The following CRYBA1 variants were observed in gnomAD, a reference collection of about 807,000 sequenced individuals.
CRYBA1 encodes the protein beta-crystallin A3.
In CRYBA1, 25 loss-of-function variants were observed where a neutral mutation model predicts 36.2. That is an observed-to-expected ratio of 0.69 (90% CI 0.50 to 0.97). The LOEUF is 0.97. CRYBA1 is among the 50% of genes least tolerant of loss of function. CRYBA1 has a pLI of 0.00. For synonymous variants in CRYBA1, 111 were observed against 90.0 expected, an observed-to-expected ratio of 1.23 and a Z score of -1.32; for missense variants, 224 against 276.3, an observed-to-expected ratio of 0.81 and a Z score of 1.34.
At chr17:29,249,685 C>T (rs2068923551) in intron 2 of CRYBA1, among the ~76,000 whole-genome samples, 1 of 152,226 alleles carries the variant, frequency 6.6e-6, no homozygotes, top group African/African-American at 2.4e-5. Flanking sequence ...GAGGCCAGCT[C>T]ACAGCTTTGC....
At chr17:29,252,286 A>G in intron 4 of CRYBA1, 81 bp downstream of exon 4, 1 of 1,564,752 alleles carries the variant, frequency 6.4e-7, no homozygotes, top group Non-Finnish European at 8.8e-7. Flanking sequence ...CATGCTATTT[A>G]TCATCAGTTA....
chr17:29,247,830 G>C (rs1377060343), intron 1 of CRYBA1, among the ~76,000 whole-genome samples: 1 of 152,196 alleles, frequency 6.6e-6, no homozygotes, highest in East Asian at 1.9e-4. Flanking sequence ...AAAGCAGAAA[G>C]GAATGGCCAG....
intron 4 of CRYBA1, among the ~76,000 whole-genome samples, chr17:29,253,047 T>C (rs1598425713): frequency 6.6e-6 from 1 of 152,206 alleles, no homozygotes; most frequent in Non-Finnish European, 1.5e-5. Flanking sequence ...CTCATGAGTT[T>C]TTGAAAAATA....
Position 29,250,240 on chromosome 17 carries a change from G to A in CRYBA1, c.155G>A (p.Cys52Tyr). The A allele has an allele frequency of 1.9e-6, 3 of 1,613,856 alleles. No homozygotes were observed. The highest frequency in any genetic ancestry group is 2.5e-6 in the Non-Finnish European group (3 of 1,179,720). The part of the protein sequence containing the change: ...QGKRMEFTSS[C>Y]PNVSERSFDN... ...AAGAGGATGGAGTTCACCAGCTCCT[G>A]TCCAAATGTCTCTGAGCGCAGTTTT... Residue 52 changes from cysteine (C) to tyrosine (Y), a missense_variant, in exon 3 of 6, where the codon TGT (cysteine) becomes TAT (tyrosine). Cys to Tyr is a radical substitution (Grantham distance 194). Transcript: ENST00000225387.
At chr17:29,248,654 C>T (rs930653183) in intron 1 of CRYBA1, among the ~76,000 whole-genome samples, 1 of 151,954 alleles carries the variant, frequency 6.6e-6, no homozygotes, top group African/African-American at 2.4e-5. Flanking sequence ...CGTGAACCAC[C>T]GTGCCCGGCC....
At chr17:29,248,169 C>T (rs1370162003) in intron 1 of CRYBA1, among the ~76,000 whole-genome samples, 2 of 151,336 alleles carry the variant, frequency 1.3e-5, no homozygotes, top group East Asian at 1.9e-4. Flanking sequence ...AGGATGAGAC[C>T]GTGAAGGGTT....
At chr17:29,249,720 G>A (rs1265287185) in intron 2 of CRYBA1, among the ~76,000 whole-genome samples, 1 of 152,166 alleles carries the variant, frequency 6.6e-6, no homozygotes, top group African/African-American at 2.4e-5. Flanking sequence ...CCAGGTCCAC[G>A]AGCCAGGTTT....
At chr17:29,250,380 A>G (rs924446393) in intron 3 of CRYBA1, 80 bp downstream of exon 3, 3 of 839,442 alleles carry the variant, frequency 3.6e-6, no homozygotes, top group South Asian at 1.3e-5. Context: ...GGGATAGGGG[A>G]AGAAGGATGT....
chr17:29,252,327 T>TA (rs1330208071), intron 4 of CRYBA1, 122 bp downstream of exon 4: 13 of 1,366,722 alleles, frequency 9.5e-6, no homozygotes, highest in Middle Eastern at 2.5e-4. Context: ...AAGACAAAAG[T>TA]AAAAAAAGAG....
At chr17:29,253,866 C>T (rs2068951642) in intron 5 of CRYBA1, 84 bp downstream of exon 5, 7 of 1,485,988 alleles carry the variant, frequency 4.7e-6, no homozygotes, top group South Asian at 2.3e-5. Flanking sequence ...AGATTTCATA[C>T]GTATCGGTAT....
chr17:29,251,496 ATTT>A (rs142673604), intron 3 of CRYBA1, among the ~76,000 whole-genome samples: 2 of 148,146 alleles, frequency 1.4e-5, no homozygotes, highest in African/African-American at 2.5e-5. Flanking sequence ...AGAAAAAAAA[ATTT>A]TTTTTTTTTT....
chr17:29,252,469 A>G (rs949822427), intron 4 of CRYBA1, among the ~76,000 whole-genome samples: 1 of 152,214 alleles, frequency 6.6e-6, no homozygotes, highest in Non-Finnish European at 1.5e-5. Flanking sequence ...CTTGTGAAAC[A>G]CTAGTAAATG....
In CRYBA1 at chr17:29,253,878, G is replaced by A. The variant is rs1234896089; in HGVS notation, c.500+96G>A. 2.3e-5 allele frequency: 32 copies of A among 1,416,672 alleles called. No individual in the cohort carries two copies. In the East Asian group the frequency reaches 4.8e-4, roughly 21 times the overall value. 87.8% of individuals were successfully genotyped at this position (1,416,672 alleles called of 1,614,324 possible). A position where few individuals can be genotyped will look rare whatever the true frequency, so the allele number is the denominator to read the frequency against. On this transcript the variant is annotated intron_variant, in intron 5 of 5. Transcript: ENST00000225387. ...ATCAGATTTCATACGTATCGGTATA[G>A]ATGTCACATTCTAGTTCTACATAAT...
intron 4 of CRYBA1, among the ~76,000 whole-genome samples, chr17:29,252,905 T>C (rs1480101658): frequency 6.6e-6 from 1 of 152,260 alleles, no homozygotes; most frequent in Non-Finnish European, 1.5e-5. Flanking sequence ...GAAGTTAACC[T>C]AAATAGTTCT....
rs2068957414 is a variant in CRYBA1, at chr17:29,254,449, T to C, written c.*100T>C. 1 of 1,282,308 alleles carries C rather than the reference T, an allele frequency of 7.8e-7. No individual in the cohort carries two copies. The highest frequency in any genetic ancestry group is 2.3e-5 in the East Asian group (1 of 43,336). 79.4% of individuals were successfully genotyped at this position (1,282,308 alleles called of 1,614,324 possible). ...TCTGCTCACAGACATTGCTTTCAAA[T>C]GTTAGCTGCTGAAATCCACAATAAA... On this transcript the variant is annotated 3_prime_UTR_variant, in exon 6 of 6. Coordinates refer to ENST00000225387, the MANE Select transcript of CRYBA1 (RefSeq NM_005208.5).
At chr17:29,252,288 C>T in intron 4 of CRYBA1, 83 bp downstream of exon 4, 1 of 1,563,402 alleles carries the variant, frequency 6.4e-7, no homozygotes, top group Non-Finnish European at 8.8e-7. Context: ...TGCTATTTAT[C>T]ATCAGTTATG....
chr17:29,249,714 G>C (rs1204379459), intron 2 of CRYBA1, among the ~76,000 whole-genome samples: 1 of 152,190 alleles, frequency 6.6e-6, no homozygotes, highest in Non-Finnish European at 1.5e-5. Context: ...CTCTGGCCAG[G>C]TCCACGAGCC....
At chr17:29,248,544 T>C (rs1275507296) in intron 1 of CRYBA1, among the ~76,000 whole-genome samples, 3 of 151,540 alleles carry the variant, frequency 2.0e-5, no homozygotes, top group African/African-American at 7.3e-5. Context: ...TTTGTATTTT[T>C]AGTAGAGACG....
Position 29,249,158 on chromosome 17 carries a change from C to G in CRYBA1, c.48C>G (p.Thr16=). 5 of 1,613,108 alleles carry G rather than the reference C, an allele frequency of 3.1e-6. No individual in the cohort carries two copies. Among genetic ancestry groups the G allele is most frequent in the Non-Finnish European group, 4.2e-6 (5 of 1,179,084 alleles). The change falls in exon 2 of 6, where the codon ACC becomes ACG. Residue 16 remains threonine, a synonymous_variant. Coordinates refer to ENST00000225387, the MANE Select transcript of CRYBA1 (RefSeq NM_005208.5). ...GTCTTCCAGAAACCCTTCCAACCAC[C>G]AAGATGGCTCAGACCAACCCTACGC... The part of the protein sequence containing the change: ...EQQELETLPT[T]KMAQTNPTPG...
Sources: allele counts gnomAD v4.1 joint callset (sites outside exome capture counted in the v4.1 genomes callset), GRCh38; gene constraint gnomAD v4.1.1; transcripts MANE v1.5; gene names NCBI Gene and HGNC (gene_info 2026-07-23, HGNC 2026-07-21).